Variants in JPH2 observed in about 807,000 individuals in gnomAD.
JPH2 encodes junctophilin 2, also known as junctophilin-2.
In JPH2, 38 loss-of-function variants were observed where a neutral mutation model predicts 55.9. That is an observed-to-expected ratio of 0.68 (90% CI 0.52 to 0.89). JPH2 has a LOEUF of 0.89. Ranked by LOEUF, JPH2 falls within the 40% of genes least tolerant of loss-of-function variation. The probability of loss-of-function intolerance (pLI) is 0.00; values close to 1 mark genes in which losing one functional copy is unlikely to be tolerated. For synonymous variants in JPH2, 480 were observed against 472.4 expected, an observed-to-expected ratio of 1.02 and a Z score of -0.21; for missense variants, 964 against 1,037.6, an observed-to-expected ratio of 0.93 and a Z score of 0.97.
At chr20:44,129,791 G>A (rs1461969865) in intron 2 of JPH2, among the ~76,000 whole-genome samples, 2 of 152,120 alleles carry the variant, frequency 1.3e-5, no homozygotes, top group African/African-American at 4.8e-5. Context: ...TGTAACCACA[G>A]GTGTCCTTAT....
intron 2 of JPH2, among the ~76,000 whole-genome samples, chr20:44,139,596 T>C (rs6103645): frequency 0.47 from 71,830 of 152,052 alleles, 17,412 homozygotes; most frequent in East Asian, 0.66. Flanking sequence ...TATGCTACAG[T>C]ATAATATGCT....
In JPH2 at chr20:44,145,603, C is replaced by CA. The variant is rs200580349; in HGVS notation, c.1169+14014dup. 2.0e-3 allele frequency among the ~76,000 whole-genome samples: 236 copies of CA among 117,884 alleles called. 2 individuals are homozygous for CA. Among genetic ancestry groups the CA allele is most frequent in the East Asian group, 0.013 (54 of 4,118 alleles). The allele number at this position is 117,884 out of a possible 152,430, so 77.3% of individuals were successfully genotyped here. On this transcript the variant is annotated intron_variant, in intron 2 of 5. Coordinates refer to ENST00000372980, the MANE Select transcript of JPH2 (RefSeq NM_020433.5). ...TGAGCGACAGAGTGAAACTCGATCTCAAAAAAAAAAAAAAAAGTAAAGCTG... is the reference window on the plus strand; with the variant it reads ...TGAGCGACAGAGTGAAACTCGATCTCAAAAAAAAAAAAAAAAAGTAAAGCTG...
intron 2 of JPH2, among the ~76,000 whole-genome samples, chr20:44,128,900 T>C (rs962332987): frequency 2.6e-5 from 4 of 152,186 alleles, no homozygotes; most frequent in African/African-American, 9.7e-5. Context: ...TGCATGACTG[T>C]TGGTGACTTA....
At chr20:44,144,899 C>G (rs1246200891) in intron 2 of JPH2, among the ~76,000 whole-genome samples, 1 of 152,014 alleles carries the variant, frequency 6.6e-6, no homozygotes, top group African/African-American at 2.4e-5. Flanking sequence ...CAGCACTGCA[C>G]ATTTATCAAC....
chr20:44,136,524 G>A (rs1294296094), intron 2 of JPH2, among the ~76,000 whole-genome samples: 8 of 151,864 alleles, frequency 5.3e-5, no homozygotes, highest in African/African-American at 1.7e-4. Context: ...ACTTGCATGC[G>A]TTTTCTTAAT....
intron 1 of JPH2, among the ~76,000 whole-genome samples, chr20:44,165,519 C>T (rs185047921): frequency 1.3e-5 from 2 of 152,272 alleles, no homozygotes; most frequent in East Asian, 3.9e-4. Context: ...CCTAACACAG[C>T]AATCAGAGGG....
intron 2 of JPH2, among the ~76,000 whole-genome samples, chr20:44,131,194 CTCTCTTGCCACCAGAG>C (rs1464212372): frequency 6.6e-6 from 1 of 152,200 alleles, no homozygotes; most frequent in Non-Finnish European, 1.5e-5. Flanking sequence ...ACTGTGACTT[CTCTCTTGCCACCAGAG>C]TCTCTTGCTG....
intron 5 of JPH2, among the ~76,000 whole-genome samples, chr20:44,113,894 C>T (rs141775792): frequency 7.2e-5 from 11 of 152,300 alleles, no homozygotes; most frequent in African/African-American, 2.4e-4. Flanking sequence ...TTCACCCCTA[C>T]GGCAGCACTT....
At chr20:44,138,152 T>C (rs1198172101) in intron 2 of JPH2, among the ~76,000 whole-genome samples, 1 of 150,368 alleles carries the variant, frequency 6.7e-6, no homozygotes, top group East Asian at 2.0e-4. Context: ...GGATTACAGG[T>C]GCCCGCCACC....
intron 2 of JPH2, among the ~76,000 whole-genome samples, chr20:44,141,670 A>AT (rs2072457724): frequency 6.7e-6 from 1 of 148,646 alleles, no homozygotes; most frequent in Admixed American, 6.6e-5. Context: ...TAATATTTTT[A>AT]TTTTTTTATT....
chr20:44,178,341 G>A (rs529592416), intron 1 of JPH2, among the ~76,000 whole-genome samples: 210 of 152,240 alleles, frequency 1.4e-3, no homozygotes, highest in African/African-American at 4.9e-3. Flanking sequence ...GTTAAATGCC[G>A]TTTACAATAG....
chr20:44,184,843 T>C (rs1374622299), intron 1 of JPH2, among the ~76,000 whole-genome samples: 1 of 152,242 alleles, frequency 6.6e-6, no homozygotes, highest in Non-Finnish European at 1.5e-5. Context: ...AAGTATTTCC[T>C]GACCTCCTCA....
intron 2 of JPH2, among the ~76,000 whole-genome samples, chr20:44,131,667 TAAGTA>T (rs1244124315): frequency 4.6e-5 from 7 of 152,322 alleles, no homozygotes; most frequent in East Asian, 3.9e-4. Context: ...TTTATTCACT[TAAGTA>T]ATTTTCCAGT....
rs761383143 is a variant in JPH2, at chr20:44,149,962, GGAAAAAAAAAA to G, written c.1169+9645_1169+9655del. Among the ~76,000 whole-genome samples, 249 of 116,792 alleles carry G rather than the reference GGAAAAAAAAAA, an allele frequency of 2.1e-3. 1 individual carries two copies. Among genetic ancestry groups the G allele is most frequent in the Admixed American group, 0.011 (120 of 11,294 alleles). 76.6% of individuals were successfully genotyped at this position (116,792 alleles called of 152,430 possible). On this transcript the variant is annotated intron_variant, in intron 2 of 5. Coordinates refer to ENST00000372980, the MANE Select transcript of JPH2 (RefSeq NM_020433.5). The stretch of plus-strand genomic sequence containing the variant: ...ACTGCACTCCAGCCTGGGCGACAGA[GGAAAAAAAAAA>G]AAAAAAAAAAAAAAAGAATTGGAAG...
rs984391692 is a variant in JPH2 at position 44,110,225 on chromosome 20, T to C, written c.*3293A>G. 6.7e-6 allele frequency among the ~76,000 whole-genome samples: 1 copy of C among 150,014 alleles called. No homozygotes were observed. The highest frequency in any genetic ancestry group is 6.6e-5 in the Admixed American group (1 of 15,086). ...CCCCAACTCATCCAACACACACACA[T>C]ACACACACACACACAGACACACCCC... On this transcript the variant is annotated 3_prime_UTR_variant, in exon 6 of 6. Transcript: ENST00000372980.
chr20:44,131,260 G>A (rs1257857956), intron 2 of JPH2, among the ~76,000 whole-genome samples: 1 of 152,156 alleles, frequency 6.6e-6, no homozygotes, highest in African/African-American at 2.4e-5. Context: ...GAGGAATTGA[G>A]CCCCTCAGTC....
intron 2 of JPH2, among the ~76,000 whole-genome samples, chr20:44,134,265 T>G (rs1252436726): frequency 2.9e-5 from 1 of 34,478 alleles, no homozygotes; most frequent in Non-Finnish European, 4.9e-5. Context: ...AAATAAATAT[T>G]TATTATATAT....
Position 44,159,869 on chromosome 20 carries a change from G to T in JPH2, c.918C>A (p.Ser306Arg). The T allele has an allele frequency of 6.2e-7, 1 of 1,613,300 alleles. No homozygotes were observed. The highest frequency in any genetic ancestry group is 1.7e-5 in the Admixed American group (1 of 59,990). Residue 306 changes from serine to arginine, a missense_variant, in exon 2 of 6, where the codon AGC (serine) becomes AGA (arginine). By Grantham distance (110) the Ser-to-Arg change is moderately radical. Transcript: ENST00000372980. The surrounding 1 kb of genome is among the most constrained non-coding windows in gnomAD (Gnocchi z 5.7). ...KNDKRSGFGV[S>R]ERSSGLRYEG... ...CGTAGCGGAGGCCACTGGAGCGTTC[G>T]CTCACGCCGAAGCCCGAGCGTTTGT...
chr20:44,111,468 T>G lies in JPH2; in HGVS notation c.*2050A>C, dbSNP rs2072143159. Among the ~76,000 whole-genome samples the G allele has an allele frequency of 1.3e-5, 2 of 152,182 alleles. No homozygotes were observed. Among genetic ancestry groups the G allele is most frequent in the Non-Finnish European group, 2.9e-5 (2 of 68,022 alleles). On this transcript the variant is annotated 3_prime_UTR_variant, in exon 6 of 6. Coordinates refer to ENST00000372980, the MANE Select transcript of JPH2 (RefSeq NM_020433.5). ...TCAAAGGGCAGGCTCTTGATTCTAT[T>G]GTCATCTACTCATAGAAGTTTCTGG...
Sources: gnomAD v4.1 joint callset for allele counts (sites outside exome capture counted in the v4.1 genomes callset) on GRCh38, gnomAD v4.1.1 for gene constraint, Gnocchi (gnomAD v3.1) non-coding constraint, MANE v1.5 for transcripts, NCBI Gene and HGNC (gene_info 2026-07-23, HGNC 2026-07-21) for gene names.